Variants in ATP2C2 observed in about 807,000 individuals in gnomAD.
The protein encoded by ATP2C2 is calcium-transporting ATPase type 2C member 2.
In ATP2C2, 171 loss-of-function variants were observed where a neutral mutation model predicts 110.8. The observed-to-expected ratio is 1.54, with a 90% CI of 1.36 to 1.75. The LOEUF (loss-of-function observed/expected upper bound fraction) is 1.75, where lower values mean the gene tolerates loss of function less well. Ranked by LOEUF, ATP2C2 falls within the 40% of genes most tolerant of loss-of-function variation. The probability of loss-of-function intolerance (pLI) is 0.00; values close to 1 mark genes in which losing one functional copy is unlikely to be tolerated. For missense variants in ATP2C2, 1,963 were observed against 1,235.0 expected, an observed-to-expected ratio of 1.59 and a Z score of -8.84; for synonymous variants, 804 against 508.4, an observed-to-expected ratio of 1.58 and a Z score of -7.82.
At chr16:84,461,223 G>A in intron 24 of ATP2C2, 1 of 258,222 alleles carries the variant, frequency 3.9e-6, no homozygotes, top group Non-Finnish European at 7.4e-6. Flanking sequence ...GGAGCTCTAT[G>A]CCAGGACGGG....
At chr16:84,462,193 A>C in intron 26 of ATP2C2, 64 bp downstream of exon 26, 1 of 1,568,848 alleles carries the variant, frequency 6.4e-7, no homozygotes. Context: ...GGCAGCTGCC[A>C]GGTGGGGAGC....
In ATP2C2 at chr16:84,459,378, G is replaced by A. The variant is rs7187624; in HGVS notation, c.2325G>A (p.Pro775=). 17,176 of 1,614,024 alleles carry A rather than the reference G, an allele frequency of 0.011. 160 individuals are homozygous for A. The highest frequency in any genetic ancestry group is 0.045 in the African/African-American group (3,414 of 75,042). ...LWINIIMDGP[P]AQSLGVEPVD... Reference sequence around the variant, plus strand: ...TCAACATCATCATGGATGGGCCACCGGCGCAGAGGTGAGGCAGGGCCGGCT... The same window carrying A: ...TCAACATCATCATGGATGGGCCACCAGCGCAGAGGTGAGGCAGGGCCGGCT... The change falls in exon 23 of 27, where the codon CCG becomes CCA. Residue 775 remains proline, a synonymous_variant. Transcript: ENST00000262429.
At chr16:84,390,665 C>T (rs1365365505) in intron 1 of ATP2C2, among the ~76,000 whole-genome samples, 4 of 152,106 alleles carry the variant, frequency 2.6e-5, no homozygotes, top group Non-Finnish European at 5.9e-5. Context: ...ACAGGATTTT[C>T]CTCTGGCGGG....
intron 1 of ATP2C2, among the ~76,000 whole-genome samples, chr16:84,372,508 A>C (rs533645431): frequency 6.6e-6 from 1 of 152,192 alleles, no homozygotes; most frequent in Non-Finnish European, 1.5e-5. Context: ...GTCTTGGCTC[A>C]CTGCAACCTC....
At chr16:84,386,311 C>G (rs936956412) in intron 1 of ATP2C2, among the ~76,000 whole-genome samples, 1 of 152,190 alleles carries the variant, frequency 6.6e-6, no homozygotes, top group African/African-American at 2.4e-5. Flanking sequence ...CTGTCTCTCT[C>G]TGTATCTCCA....
chr16:84,405,029 A>G, intron 2 of ATP2C2, 99 bp from the exon 3 acceptor site: 3 of 1,005,344 alleles, frequency 3.0e-6, no homozygotes, highest in Non-Finnish European at 4.8e-6. Flanking sequence ...TCCCTGGCCC[A>G]TCATGGAAGC....
chr16:84,407,971 A>G (rs1479685685), intron 3 of ATP2C2, among the ~76,000 whole-genome samples: 2 of 152,228 alleles, frequency 1.3e-5, no homozygotes, highest in Admixed American at 6.5e-5. Context: ...GAGGGACATC[A>G]TTGGAGTCCC....
At chr16:84,370,694 A>G (rs1338157944) in intron 1 of ATP2C2, among the ~76,000 whole-genome samples, 1 of 126,784 alleles carries the variant, frequency 7.9e-6, no homozygotes, top group Admixed American at 8.0e-5. Flanking sequence ...TTTTTGCGTT[A>G]TTTCATACTA....
rs1203817763 is a variant in ATP2C2, at chr16:84,408,415, C to T, written c.338C>T (p.Pro113Leu). ...WKKYLDQFKN[P>L]LILLLLGSAL... ...TTATTTCCTCTTCAGTTTAAGAACC[C>T]CCTGATCCTGCTGCTGCTGGGCTCT... is the stretch of plus-strand genomic sequence containing the variant. Residue 113 changes from proline (P) to leucine (L), a missense_variant, in exon 4 of 27, where the codon CCC becomes CTC. Transcript: ENST00000262429. 5.0e-6 allele frequency: 8 copies of T among 1,613,890 alleles called. No homozygotes were observed. Among genetic ancestry groups the T allele is most frequent in the South Asian group, 1.1e-5 (1 of 91,066 alleles).
chr16:84,460,441 G>T, intron 23 of ATP2C2: 1 of 664,634 alleles, frequency 1.5e-6, no homozygotes, highest in East Asian at 2.6e-5. Context: ...CTGTCTGCGG[G>T]ACAGATGGAG....
chr16:84,386,624 G>A (rs1223684844), intron 1 of ATP2C2, among the ~76,000 whole-genome samples: 2 of 152,174 alleles, frequency 1.3e-5, no homozygotes, highest in South Asian at 2.1e-4. Context: ...CACTGCGTAT[G>A]CACACACAGA....
chr16:84,462,338 G>C (rs995389534), intron 26 of ATP2C2: 1 of 624,762 alleles, frequency 1.6e-6, no homozygotes, highest in Non-Finnish European at 2.7e-6. Context: ...CCTAGGAAGA[G>C]GCCTGTCACT....
rs537143305 is a variant in ATP2C2 at position 84,448,611 on chromosome 16, A to G, written c.1582A>G (p.Ile528Val). Residue 528 changes from isoleucine to valine, a missense_variant, in exon 17 of 27, where the codon ATC (isoleucine) becomes GTC (valine). Coordinates refer to ENST00000262429, the MANE Select transcript of ATP2C2 (RefSeq NM_014861.4). Reference sequence around the variant, plus strand: ...CTGCACCATGTACAACAACGGGGGCATCCCCCTGCCGCTGACGCCCCAGCA... The same window carrying G: ...CTGCACCATGTACAACAACGGGGGCGTCCCCCTGCCGCTGACGCCCCAGCA... Reference protein sequence around the residue: ...RYCTMYNNGGIPLPLTPQQRS... With the variant: ...RYCTMYNNGGVPLPLTPQQRS... The G allele has an allele frequency of 1.7e-5, 27 of 1,614,124 alleles. No individual in the cohort carries two copies. The South Asian group carries it at 2.7e-4, about 16-fold the overall frequency.
At chr16:84,376,272 T>C (rs1910244857) in intron 1 of ATP2C2, among the ~76,000 whole-genome samples, 2 of 152,172 alleles carry the variant, frequency 1.3e-5, no homozygotes, top group South Asian at 4.1e-4. Context: ...GCGATGAGGT[T>C]GCCATGAGGG....
chr16:84,450,849 AC>A (rs1418647262), intron 17 of ATP2C2, among the ~76,000 whole-genome samples: 10 of 151,982 alleles, frequency 6.6e-5, no homozygotes, highest in Non-Finnish European at 1.5e-4. Context: ...CGCCCCCAAG[AC>A]TGCTGGAGAT....
intron 1 of ATP2C2, among the ~76,000 whole-genome samples, chr16:84,394,233 A>G (rs76361489): frequency 0.061 from 9,327 of 152,144 alleles, 382 homozygotes; most frequent in East Asian, 0.12. Context: ...TTCACATAAC[A>G]AAATCAACCA....
rs561969831 is a variant in ATP2C2 at position 84,451,665 on chromosome 16, C to G, written c.1661-256C>G. On this transcript the variant is annotated intron_variant, in intron 17 of 26. Coordinates refer to ENST00000262429, the MANE Select transcript of ATP2C2 (RefSeq NM_014861.4). ...CCAGCCTGGCCAACATGGTGAAATCCTGTCTCTACTAAAAATACAAAAATT... is the reference window on the plus strand; with the variant it reads ...CCAGCCTGGCCAACATGGTGAAATCGTGTCTCTACTAAAAATACAAAAATT... Among the ~76,000 whole-genome samples the G allele has an allele frequency of 3.3e-5, 5 of 152,258 alleles. No homozygotes were observed. The South Asian group carries it at 6.2e-4, about 19-fold the overall frequency.
At chr16:84,405,057 G>C (rs267604664) in intron 2 of ATP2C2, 71 bp from the exon 3 acceptor site, 1 of 1,270,378 alleles carries the variant, frequency 7.9e-7, no homozygotes, top group Non-Finnish European at 1.2e-6. Flanking sequence ...TTTCAGAGTG[G>C]GAGTCTGTAC....
At chr16:84,411,726 GC>G (rs1767128836) in intron 6 of ATP2C2, among the ~76,000 whole-genome samples, 1 of 152,154 alleles carries the variant, frequency 6.6e-6, no homozygotes, top group Admixed American at 6.5e-5. Flanking sequence ...ACAGGTGTGA[GC>G]CACCGTGCCC....
Sources: allele counts gnomAD v4.1 joint callset (sites outside exome capture counted in the v4.1 genomes callset), GRCh38; gene constraint gnomAD v4.1.1; transcripts MANE v1.5; gene names NCBI Gene and HGNC (gene_info 2026-07-23, HGNC 2026-07-21).